Variants in SPPL3 observed in about 807,000 individuals in gnomAD.
SPPL3 encodes the protein signal peptide peptidase-like 3.
In SPPL3, 5 loss-of-function variants were observed where a neutral mutation model predicts 42.4. That is an observed-to-expected ratio of 0.12 (90% CI 0.06 to 0.25). SPPL3 has a LOEUF of 0.25. SPPL3 is among the 10% of genes least tolerant of loss of function. The pLI, the probability that SPPL3 is intolerant of heterozygous loss-of-function variation, is 1.00. For synonymous variants in SPPL3, 195 were observed against 181.8 expected, an observed-to-expected ratio of 1.07 and a Z score of -0.58; for missense variants, 235 against 489.0, an observed-to-expected ratio of 0.48 and a Z score of 4.90.
chr12:120,866,595 G>A (rs1375103454), intron 1 of SPPL3, among the ~76,000 whole-genome samples: 1 of 152,088 alleles, frequency 6.6e-6, no homozygotes, highest in South Asian at 2.1e-4. Context: ...AATTTAAAAC[G>A]GAGAAATAAT....
At chr12:120,792,511 C>G (rs1407760932) in intron 2 of SPPL3, among the ~76,000 whole-genome samples, 3 of 151,868 alleles carry the variant, frequency 2.0e-5, no homozygotes, top group African/African-American at 7.2e-5. Flanking sequence ...ACCATCCTGG[C>G]CAACATGGTG....
chr12:120,903,744 C>CCCCCCCCCCCCCG, intron 1 of SPPL3, 101 bp downstream of exon 1: 1 of 710,998 alleles, frequency 1.4e-6, no homozygotes, highest in Non-Finnish European at 2.1e-6. Flanking sequence ...CCCCCCCCCA[C>CCCCCCCCCCCCCG]GACACGCACC....
At chr12:120,825,801 A>AAG (rs1345237168) in intron 1 of SPPL3, among the ~76,000 whole-genome samples, 1 of 152,144 alleles carries the variant, frequency 6.6e-6, no homozygotes, top group African/African-American at 2.4e-5. Context: ...AATTGGGCAG[A>AAG]AGAGACTAGA....
intron 1 of SPPL3, among the ~76,000 whole-genome samples, chr12:120,889,712 G>C (rs1017341759): frequency 6.6e-6 from 1 of 152,214 alleles, no homozygotes; most frequent in African/African-American, 2.4e-5. Context: ...TTGTCATGCA[G>C]TGTTATTGTG....
intron 1 of SPPL3, among the ~76,000 whole-genome samples, chr12:120,889,192 CTATGAAATGTGCCTA>C (rs1448348480): frequency 6.6e-6 from 1 of 152,086 alleles, no homozygotes; most frequent in East Asian, 1.9e-4. Flanking sequence ...AAAGGGACTT[CTATGAAATGTGCCTA>C]TATGAAATGC....
At chr12:120,894,995 G>A (rs191858850) in intron 1 of SPPL3, among the ~76,000 whole-genome samples, 84 of 152,092 alleles carry the variant, frequency 5.5e-4, no homozygotes, top group Non-Finnish European at 1.1e-3. Context: ...CTCCTCCTCA[G>A]GCATTTTTAG....
At chr12:120,831,000 C>T (rs1319609332) in intron 1 of SPPL3, among the ~76,000 whole-genome samples, 1 of 152,052 alleles carries the variant, frequency 6.6e-6, no homozygotes. Flanking sequence ...ATGATCCTCC[C>T]CAGTGTGGGA....
chr12:120,765,598 T>G (rs553736174), intron 10 of SPPL3, among the ~76,000 whole-genome samples: 10 of 152,354 alleles, frequency 6.6e-5, no homozygotes, highest in African/African-American at 2.4e-4. Context: ...ATGCTTGATC[T>G]GAGATCAGAT....
chr12:120,874,452 C>CAAAAAAAAAAA (rs71076673), intron 1 of SPPL3, among the ~76,000 whole-genome samples: 3 of 97,418 alleles, frequency 3.1e-5, no homozygotes, highest in African/African-American at 4.4e-5. Flanking sequence ...GACCCTGTCG[C>CAAAAAAAAAAA]AAAAAAAAAA....
chr12:120,769,223 C>T (rs1312489381), intron 6 of SPPL3, 164 bp from the exon 7 acceptor site: 1 of 563,826 alleles, frequency 1.8e-6, no homozygotes, highest in Non-Finnish European at 3.2e-6. Context: ...AAAACACCCG[C>T]TTCTTCAGCC....
At chr12:120,832,547 C>A (rs1592985484) in intron 1 of SPPL3, among the ~76,000 whole-genome samples, 1 of 152,168 alleles carries the variant, frequency 6.6e-6, no homozygotes, top group African/African-American at 2.4e-5. Context: ...GTGGCGCATG[C>A]CTGTAATCCC....
At chr12:120,898,832 T>C (rs1357133854) in intron 1 of SPPL3, among the ~76,000 whole-genome samples, 2 of 152,220 alleles carry the variant, frequency 1.3e-5, no homozygotes, top group Non-Finnish European at 2.9e-5. Flanking sequence ...CTCTATCACA[T>C]AGAAAATACA....
At chr12:120,881,324 C>T (rs1237616186) in intron 1 of SPPL3, among the ~76,000 whole-genome samples, 1 of 150,804 alleles carries the variant, frequency 6.6e-6, no homozygotes, top group Non-Finnish European at 1.5e-5. Context: ...CAAAAATTAG[C>T]TGGGCGTGTT....
chr12:120,792,283 T>C (rs1387567406), intron 2 of SPPL3, among the ~76,000 whole-genome samples: 2 of 152,192 alleles, frequency 1.3e-5, no homozygotes, highest in Non-Finnish European at 2.9e-5. Flanking sequence ...AAATGGCACG[T>C]CACTTTGATT....
chr12:120,790,047 T>A (rs1191561629), intron 3 of SPPL3, among the ~76,000 whole-genome samples: 1 of 152,130 alleles, frequency 6.6e-6, no homozygotes, highest in Non-Finnish European at 1.5e-5. Context: ...ACAGGACTTT[T>A]AAAAAGAGTT....
intron 1 of SPPL3, among the ~76,000 whole-genome samples, chr12:120,866,800 A>G (rs560985772): frequency 6.6e-6 from 1 of 152,206 alleles, no homozygotes; most frequent in African/African-American, 2.4e-5. Context: ...GTCACTTCTC[A>G]AAGTCAGAAT....
At chr12:120,792,154 CT>C (rs1869938199) in intron 2 of SPPL3, among the ~76,000 whole-genome samples, 2 of 152,170 alleles carry the variant, frequency 1.3e-5, no homozygotes, top group East Asian at 3.9e-4. Context: ...AGGAGGAAAA[CT>C]AGGAAATGCA....
intron 2 of SPPL3, among the ~76,000 whole-genome samples, chr12:120,800,693 G>A (rs903183794): frequency 3.9e-5 from 6 of 151,960 alleles, no homozygotes; most frequent in African/African-American, 1.5e-4. Context: ...ACAGGAAGTA[G>A]TTATGGGTCA....
chr12:120,801,414 C>T (rs891093125), intron 2 of SPPL3, among the ~76,000 whole-genome samples: 6 of 151,486 alleles, frequency 4.0e-5, no homozygotes, highest in African/African-American at 1.5e-4. Flanking sequence ...AAAGCATCAG[C>T]CATCTGGCCA....
Sources: allele counts gnomAD v4.1 joint callset (sites outside exome capture counted in the v4.1 genomes callset), GRCh38; gene constraint gnomAD v4.1.1; transcripts MANE v1.5; gene names NCBI Gene and HGNC (gene_info 2026-07-23, HGNC 2026-07-21).